Variants in TBC1D10C observed in about 807,000 individuals in gnomAD.
The protein encoded by TBC1D10C is TBC1 domain family member 10C, also known as carabin.
Under a neutral mutation model 51.0 loss-of-function variants are expected in TBC1D10C, and 49 were observed. The ratio of observed to expected loss-of-function variants is 0.96; its 90% CI spans 0.76 to 1.22. The LOEUF (loss-of-function observed/expected upper bound fraction) is 1.22, where lower values mean the gene tolerates loss of function less well. Ranked by LOEUF, TBC1D10C falls within the 50% of genes most tolerant of loss-of-function variation. The probability of loss-of-function intolerance (pLI) is 0.00; values close to 1 mark genes in which losing one functional copy is unlikely to be tolerated. For synonymous variants in TBC1D10C, 281 were observed against 266.7 expected, an observed-to-expected ratio of 1.05 and a Z score of -0.52; for missense variants, 541 against 617.5, an observed-to-expected ratio of 0.88 and a Z score of 1.31.
At position 67,409,033 on chromosome 11, in the gene TBC1D10C, C is replaced by G; in HGVS notation, c.893C>G (p.Thr298Ser). 1 of 1,584,742 alleles carries G rather than the reference C, an allele frequency of 6.3e-7. No individual in the cohort carries two copies. Among genetic ancestry groups the G allele is most frequent in the East Asian group, 2.3e-5 (1 of 43,236 alleles). ...ACACTGGTGCGCCTGGCGCTGGGCA[C>G]TGCAGAGCAGCGAGGGGCCTGCCCT... Reference protein sequence around the residue: ...GLTLVRLALGTAEQRGACPGL... With the variant: ...GLTLVRLALGSAEQRGACPGL... The change falls in exon 8 of 9, where the codon ACT becomes AGT. Residue 298 changes from threonine (T) to serine (S), a missense_variant. By Grantham distance (58) the Thr-to-Ser change is moderately conservative. Coordinates refer to ENST00000542590, the MANE Select transcript of TBC1D10C (RefSeq NM_001369496.1).
intron 8 of TBC1D10C, 91 bp downstream of exon 8, chr11:67,409,224 G>A (rs766591186): frequency 1.0e-5 from 15 of 1,453,488 alleles, no homozygotes; most frequent in Admixed American, 2.6e-5. Context: ...CGAGAATGGG[G>A]ACTTAGTTCC....
At chr11:67,403,989 C>A, upstream of TBC1D10C, 4 of 480,334 alleles carry the variant, frequency 8.3e-6, no homozygotes, top group Non-Finnish European at 1.4e-5. Flanking sequence ...AGGGGCAGGG[C>A]TTGGGGCTGG....
intron 7 of TBC1D10C, 111 bp from the exon 8 acceptor site, chr11:67,408,868 G>C (rs945608933): frequency 7.3e-6 from 10 of 1,361,876 alleles, no homozygotes; most frequent in Non-Finnish European, 9.7e-6. Context: ...TCCTGAACCG[G>C]GGAGGGCAGA....
rs773034827 is a variant in TBC1D10C, at chr11:67,406,782, G to A, written c.649-45G>A. 3.7e-6 allele frequency: 6 copies of A among 1,609,974 alleles called. No homozygotes were observed. The East Asian group carries it at 1.3e-4, about 36-fold the overall frequency. ...GGGGACTGAGGGAGGTTGAGCCTGG[G>A]CTCTGGGGGTGGCGGTGCTGGCCTG... On this transcript the variant is annotated intron_variant, in intron 6 of 8. Coordinates refer to ENST00000542590, the MANE Select transcript of TBC1D10C (RefSeq NM_001369496.1).
At chr11:67,407,244 G>C in intron 7 of TBC1D10C, 1 of 567,306 alleles carries the variant, frequency 1.8e-6, no homozygotes, top group East Asian at 3.0e-5. Flanking sequence ...GCAGGAGCAG[G>C]GTGATCACAG....
In TBC1D10C at chr11:67,404,195, C is replaced by G. The variant is rs756536846; in HGVS notation, c.-8C>G. 6 of 1,519,452 alleles carry G rather than the reference C, an allele frequency of 3.9e-6. 1 individual carries two copies. The South Asian group carries it at 7.3e-5, about 18-fold the overall frequency. 94.1% of individuals were successfully genotyped at this position (1,519,452 alleles called of 1,614,324 possible). A position where few individuals can be genotyped will look rare whatever the true frequency, so the allele number is the denominator to read the frequency against. On this transcript the variant is annotated 5_prime_UTR_variant, in exon 1 of 9. Coordinates refer to ENST00000542590, the MANE Select transcript of TBC1D10C (RefSeq NM_001369496.1). ...TCTCTGCCTGTGGCATCGAAGGCCC[C>G]GGGCACCATGGCCCAGGCCCTGGGG...
upstream of TBC1D10C, chr11:67,404,035 A>G (rs1365205502): frequency 1.3e-6 from 1 of 776,140 alleles, no homozygotes; most frequent in Non-Finnish European, 1.8e-6. Flanking sequence ...CTGTCAGGGC[A>G]GGGCCTAGCC....
chr11:67,409,563 C>A lies in TBC1D10C; in HGVS notation c.1150C>A (p.Arg384=), dbSNP rs367590638. The A allele has an allele frequency of 5.2e-6, 8 of 1,548,670 alleles. No homozygotes were observed. In the East Asian group the frequency reaches 9.8e-5, roughly 19 times the overall value. The change falls in exon 9 of 9, where the codon CGA becomes AGA. Residue 384 remains arginine, a synonymous_variant. Transcript: ENST00000542590. Reference sequence around the variant, plus strand: ...TGAGGCCCAGCAGCTGGCAGGAGTGCGACGAGGCGCCAAGCCTGAGGTGCC... The same window carrying A: ...TGAGGCCCAGCAGCTGGCAGGAGTGAGACGAGGCGCCAAGCCTGAGGTGCC... ...IFEAQQLAGV[R]RGAKPEVPRI... is the part of the protein sequence containing the mutation.
chr11:67,409,564 G>C lies in TBC1D10C; in HGVS notation c.1151G>C (p.Arg384Pro). Residue 384 changes from arginine to proline, a missense_variant, in exon 9 of 9, where the codon CGA becomes CCA. Transcript: ENST00000542590. ...IFEAQQLAGV[R>P]RGAKPEVPRI... ...GAGGCCCAGCAGCTGGCAGGAGTGC[G>C]ACGAGGCGCCAAGCCTGAGGTGCCT... 4.5e-6 allele frequency: 7 copies of C among 1,548,806 alleles called. No homozygotes were observed. The highest frequency in any genetic ancestry group is 6.1e-6 in the Non-Finnish European group (7 of 1,146,704).
chr11:67,403,941 G>A, upstream of TBC1D10C: 1 of 390,824 alleles, frequency 2.6e-6, no homozygotes, highest in Non-Finnish European at 4.6e-6. Flanking sequence ...AGAGGAGGAG[G>A]TGAGGTGCTG....
rs1863137624 is a variant in TBC1D10C at position 67,405,839 on chromosome 11, G to A, written c.468-64G>A. ...CAGGGAGGCTGAGGCCTGGGCAGAG[G>A]CCCCCAGAGGGTGGAGAAGGGGGTG... On this transcript the variant is annotated intron_variant, in intron 4 of 8. Coordinates refer to ENST00000542590, the MANE Select transcript of TBC1D10C (RefSeq NM_001369496.1). The A allele has an allele frequency of 5.2e-6, 8 of 1,542,052 alleles. No individual in the cohort carries two copies. The East Asian group carries it at 1.7e-4, about 32-fold the overall frequency.
At chr11:67,405,734 C>G (rs778955879) in intron 4 of TBC1D10C, 33 bp downstream of exon 4, 5 of 1,608,588 alleles carry the variant, frequency 3.1e-6, no homozygotes, top group Non-Finnish European at 4.3e-6. Context: ...GGACCCCCAG[C>G]CCCACAAGCC....
chr11:67,405,307 A>C, intron 2 of TBC1D10C, 92 bp from the exon 3 acceptor site: 3 of 1,512,774 alleles, frequency 2.0e-6, no homozygotes, highest in Admixed American at 3.9e-5. Flanking sequence ...CTGCCACCCA[A>C]AGTGGGCCCC....
At chr11:67,406,433 C>T in intron 5 of TBC1D10C, 194 bp from the exon 6 acceptor site, 2 of 604,536 alleles carry the variant, frequency 3.3e-6, no homozygotes, top group South Asian at 4.0e-5. Context: ...AACCCCTCAG[C>T]AGACCCTGTC....
Position 67,406,036 on chromosome 11 carries a change from G to A in TBC1D10C, c.582+19G>A, listed in dbSNP as rs1401569968. On this transcript the variant is annotated intron_variant, in intron 5 of 8. Transcript: ENST00000542590. ...CCCAGAGGTGAGTGACCTTGACCCT[G>A]CTCTGGGAACCCTAGTGACCTAGGC... 1.3e-6 allele frequency: 2 copies of A among 1,533,016 alleles called. No individual in the cohort carries two copies. Among genetic ancestry groups the A allele is most frequent in the South Asian group, 1.2e-5 (1 of 81,362 alleles). 95.0% of individuals were successfully genotyped at this position (1,533,016 alleles called of 1,614,324 possible). A position where few individuals can be genotyped will look rare whatever the true frequency, so the allele number is the denominator to read the frequency against.
rs1011852528 is a variant in TBC1D10C at position 67,410,029 on chromosome 11, A to T, written c.*275A>T. ...AAAGCCAGCACCAAAGGAGTCAGGG[A>T]AGGGGTTGGCTGAGTCAAGGGACCC... On this transcript the variant is annotated 3_prime_UTR_variant, in exon 9 of 9. Coordinates refer to ENST00000542590, the MANE Select transcript of TBC1D10C (RefSeq NM_001369496.1). 1 of 421,796 alleles carries T rather than the reference A, an allele frequency of 2.4e-6. No individual in the cohort carries two copies. The highest frequency in any genetic ancestry group is 4.5e-5 in the East Asian group (1 of 22,216). 26.1% of individuals were successfully genotyped at this position (421,796 alleles called of 1,614,324 possible).
chr11:67,404,481 C>G (rs1461904611), intron 1 of TBC1D10C, 127 bp downstream of exon 1: 3 of 1,036,726 alleles, frequency 2.9e-6, no homozygotes, highest in Non-Finnish European at 4.0e-6. Flanking sequence ...CCAGTAGCAC[C>G]CCTCTGCAGG....
chr11:67,405,840 C>T (rs1378529253), intron 4 of TBC1D10C, 63 bp from the exon 5 acceptor site: 23 of 1,543,700 alleles, frequency 1.5e-5, no homozygotes, highest in Non-Finnish European at 1.9e-5. Flanking sequence ...TGGGCAGAGG[C>T]CCCCAGAGGG....
chr11:67,409,244 A>G, intron 8 of TBC1D10C, 111 bp downstream of exon 8: 1 of 1,424,126 alleles, frequency 7.0e-7, no homozygotes, highest in Non-Finnish European at 9.3e-7. Flanking sequence ...CTGTCCCCTG[A>G]GCTTCAGAGA....
Sources: gnomAD v4.1 joint callset for allele counts on GRCh38, gnomAD v4.1.1 for gene constraint, MANE v1.5 for transcripts, NCBI Gene and HGNC (gene_info 2026-07-23, HGNC 2026-07-21) for gene names.